Variants in ROBO2 observed in about 807,000 individuals in gnomAD.
ROBO2 encodes the protein roundabout guidance receptor 2.
Under a neutral mutation model 160.8 loss-of-function variants are expected in ROBO2, and 53 were observed. That is an observed-to-expected ratio of 0.33 (90% CI 0.26 to 0.41). ROBO2 has a LOEUF of 0.41. Among genes scored for constraint, ROBO2 ranks in the 10% least tolerant of loss-of-function variants. The probability of loss-of-function intolerance (pLI) is 1.00; values close to 1 mark genes in which losing one functional copy is unlikely to be tolerated. For synonymous variants in ROBO2, 664 were observed against 611.7 expected, an observed-to-expected ratio of 1.09 and a Z score of -1.26; for missense variants, 1,577 against 1,722.4, an observed-to-expected ratio of 0.92 and a Z score of 1.49.
intron 2 of ROBO2, among the ~76,000 whole-genome samples, chr3:76,445,027 A>T (rs1005738026): frequency 2.6e-5 from 4 of 152,118 alleles, no homozygotes; most frequent in African/African-American, 9.7e-5. Flanking sequence ...TCTTTATTAC[A>T]TCCTTTTAGT....
chr3:75,966,342 A>G (rs528907051), intron 2 of ROBO2, among the ~76,000 whole-genome samples: 2 of 151,880 alleles, frequency 1.3e-5, no homozygotes, highest in African/African-American at 4.8e-5. Flanking sequence ...GTTTCCCTAT[A>G]CAATAGTCAC....
Position 77,632,858 on chromosome 3 carries a change from C to T in ROBO2, c.3761-2012C>T, listed in dbSNP as rs534438441. The stretch of plus-strand genomic sequence containing the variant: ...GCCAAGAATAGACTCCTCCTCAACA[C>T]TTTCTCTTATTTTCCTTTCTCTTCA... On this transcript the variant is annotated intron_variant, in intron 23 of 25. Transcript: ENST00000461745. 1.3e-4 allele frequency: 54 copies of T among 401,348 alleles called. 1 individual carries two copies. In the East Asian group the frequency reaches 1.9e-3, roughly 14 times the overall value. 24.9% of individuals were successfully genotyped at this position (401,348 alleles called of 1,614,324 possible).
chr3:76,135,833 A>T (rs1181982817), intron 2 of ROBO2, among the ~76,000 whole-genome samples: 1 of 152,158 alleles, frequency 6.6e-6, no homozygotes, highest in Non-Finnish European at 1.5e-5. Flanking sequence ...AACAAAAAAT[A>T]TATTTACCAT....
intron 2 of ROBO2, among the ~76,000 whole-genome samples, chr3:77,394,039 A>G (rs1013868772): frequency 1.3e-5 from 2 of 152,144 alleles, no homozygotes; most frequent in South Asian, 2.1e-4. Flanking sequence ...GTGAACCCTC[A>G]TAACTGCTTC....
intron 2 of ROBO2, among the ~76,000 whole-genome samples, chr3:76,875,045 C>T (rs2072555664): frequency 6.6e-6 from 1 of 152,096 alleles, no homozygotes; most frequent in African/African-American, 2.4e-5. Flanking sequence ...AGAGGTGGGG[C>T]CTGAAGAAGT....
intron 2 of ROBO2, among the ~76,000 whole-genome samples, chr3:75,984,037 T>C (rs1049336134): frequency 5.3e-5 from 8 of 151,570 alleles, no homozygotes; most frequent in East Asian, 1.9e-4. Flanking sequence ...ACCTAAATAT[T>C]TCCATCTGGA....
intron 6 of ROBO2, among the ~76,000 whole-genome samples, chr3:77,544,020 C>T (rs552805975): frequency 6.6e-6 from 1 of 151,800 alleles, no homozygotes; most frequent in South Asian, 2.1e-4. Flanking sequence ...TATAGGATCA[C>T]AAAGAGATAA....
At chr3:77,545,125 T>C (rs952265892) in intron 6 of ROBO2, among the ~76,000 whole-genome samples, 7 of 152,082 alleles carry the variant, frequency 4.6e-5, no homozygotes, top group Non-Finnish European at 7.4e-5. Flanking sequence ...TCCTCTCCAA[T>C]CCATGCTACA....
intron 2 of ROBO2, among the ~76,000 whole-genome samples, chr3:77,177,683 G>A (rs1037494596): frequency 2.0e-5 from 3 of 151,888 alleles, no homozygotes; most frequent in Non-Finnish European, 4.4e-5. Flanking sequence ...AGAGCCAACT[G>A]TGGTTTACAG....
intron 2 of ROBO2, among the ~76,000 whole-genome samples, chr3:76,755,321 C>T (rs2060906523): frequency 6.6e-6 from 1 of 151,742 alleles, no homozygotes; most frequent in Non-Finnish European, 1.5e-5. Flanking sequence ...TTTGGATTAT[C>T]AGACCTCGTA....
At chr3:76,212,724 C>A (rs962848361) in intron 2 of ROBO2, among the ~76,000 whole-genome samples, 1 of 152,006 alleles carries the variant, frequency 6.6e-6, no homozygotes, top group Non-Finnish European at 1.5e-5. Context: ...TAAGTTTTCC[C>A]TTGTCCATTC....
chr3:76,682,463 C>T (rs965018158), intron 2 of ROBO2, among the ~76,000 whole-genome samples: 2 of 151,770 alleles, frequency 1.3e-5, no homozygotes, highest in Admixed American at 1.3e-4. Flanking sequence ...GGCTGGAGTG[C>T]AGTAGCACGA....
At chr3:77,295,884 A>T (rs1450730537) in intron 2 of ROBO2, among the ~76,000 whole-genome samples, 1 of 148,778 alleles carries the variant, frequency 6.7e-6, no homozygotes, top group Non-Finnish European at 1.5e-5. Context: ...ACAAAGTAAA[A>T]TTGACGGTTA....
intron 2 of ROBO2, among the ~76,000 whole-genome samples, chr3:76,734,165 A>G (rs2093675877): frequency 6.6e-6 from 1 of 152,208 alleles, no homozygotes; most frequent in Non-Finnish European, 1.5e-5. Flanking sequence ...CGTCTAGCCC[A>G]TAATACCCAC....
rs955532513 is a variant in ROBO2 at position 76,593,296 on chromosome 3, G to A, written c.110-504718G>A. Among the ~76,000 whole-genome samples the A allele has an allele frequency of 8.6e-5, 13 of 152,002 alleles. No homozygotes were observed. In the South Asian group the frequency reaches 2.7e-3, roughly 31 times the overall value. ...TCTAGAGTTGTTGCGTTTAATTACTGATAGATCATCAAGATTGGCTAATGA... is the reference window on the plus strand; with the variant it reads ...TCTAGAGTTGTTGCGTTTAATTACTAATAGATCATCAAGATTGGCTAATGA... On this transcript the variant is annotated intron_variant, in intron 2 of 26. Transcript: ENST00000487694.
intron 2 of ROBO2, among the ~76,000 whole-genome samples, chr3:77,393,069 T>G (rs2074906090): frequency 6.6e-6 from 1 of 152,182 alleles, no homozygotes; most frequent in Admixed American, 6.5e-5. Flanking sequence ...GGAAGAGCTC[T>G]GTTTTCCTGG....
At chr3:76,274,629 G>C (rs1273152435) in intron 2 of ROBO2, among the ~76,000 whole-genome samples, 1 of 151,926 alleles carries the variant, frequency 6.6e-6, no homozygotes, top group African/African-American at 2.4e-5. Context: ...ACAAGGTCAG[G>C]AGTTTGAGAC....
chr3:76,562,537 C>G (rs1305604549), intron 2 of ROBO2, among the ~76,000 whole-genome samples: 2 of 151,932 alleles, frequency 1.3e-5, no homozygotes, highest in African/African-American at 4.8e-5. Flanking sequence ...GGTCAGAGCC[C>G]TTCTTCGTTT....
chr3:76,138,426 G>A (rs1297257632), intron 2 of ROBO2, among the ~76,000 whole-genome samples: 1 of 151,922 alleles, frequency 6.6e-6, no homozygotes, highest in African/African-American at 2.4e-5. Context: ...TAAATGCAAA[G>A]AGAAATACCT....
Sources: allele counts gnomAD v4.1 joint callset (sites outside exome capture counted in the v4.1 genomes callset), GRCh38; gene constraint gnomAD v4.1.1; transcripts MANE v1.5; gene names NCBI Gene and HGNC (gene_info 2026-07-23, HGNC 2026-07-21).